MAP2: variants seen among roughly 807,000 people sequenced by gnomAD.
MAP2 encodes the protein microtubule-associated protein 2.
Under a neutral mutation model 137.6 loss-of-function variants are expected in MAP2, and 14 were observed. That is an observed-to-expected ratio of 0.10 (90% CI 0.07 to 0.16). The LOEUF is 0.16. Ranked by LOEUF, MAP2 falls within the 10% of genes least tolerant of loss-of-function variation. The pLI, the probability that MAP2 is intolerant of heterozygous loss-of-function variation, is 1.00. For synonymous variants in MAP2, 786 were observed against 782.3 expected, an observed-to-expected ratio of 1.00 and a Z score of -0.08; for missense variants, 2,088 against 2,191.5, an observed-to-expected ratio of 0.95 and a Z score of 0.94.
In MAP2 at chr2:209,695,510, G is replaced by A; in HGVS notation, c.3340G>A (p.Val1114Met). ...KVSETEVKEK[V>M]AKPDLVHQEA... is the part of the protein sequence containing the mutation. The stretch of plus-strand genomic sequence containing the variant: ...TAGTGAGACAGAAGTCAAAGAGAAG[G>A]TGGCCAAGCCTGACTTGGTGCACCA... Residue 1114 changes from valine to methionine, a missense_variant, in exon 8 of 16, where the codon GTG becomes ATG. Physicochemically the swap from Val to Met is conservative, Grantham distance 21 (BLOSUM62 1). Coordinates refer to ENST00000682079, the MANE Select transcript of MAP2 (RefSeq NM_001375505.1). 6.2e-7 allele frequency: 1 copy of A among 1,614,120 alleles called. No individual in the cohort carries two copies. The highest frequency in any genetic ancestry group is 8.5e-7 in the Non-Finnish European group (1 of 1,180,014).
intron 2 of MAP2, among the ~76,000 whole-genome samples, chr2:209,550,734 T>A (rs1299167767): frequency 1.3e-5 from 2 of 152,120 alleles, no homozygotes; most frequent in Non-Finnish European, 2.9e-5. Flanking sequence ...GAAGTCCCAA[T>A]AATATAATGG....
intron 1 of MAP2, among the ~76,000 whole-genome samples, chr2:209,481,412 T>G (rs2149831504): frequency 6.6e-6 from 1 of 152,330 alleles, no homozygotes; most frequent in South Asian, 2.1e-4. Context: ...TGACAGTAAC[T>G]TCCTGTGGCT....
chr2:209,725,912 C>T, intron 14 of MAP2, 122 bp downstream of exon 14: 1 of 556,204 alleles, frequency 1.8e-6, no homozygotes, highest in African/African-American at 2.0e-5. Flanking sequence ...GGGTACTTCA[C>T]ATTTTTATTA....
chr2:209,495,376 G>A (rs1421907382), intron 1 of MAP2, among the ~76,000 whole-genome samples: 3 of 152,246 alleles, frequency 2.0e-5, no homozygotes, highest in East Asian at 1.9e-4. Context: ...CCTGACCCCC[G>A]TGCCTCATAA....
At chr2:209,658,953 T>A (rs1050996965) in intron 5 of MAP2, among the ~76,000 whole-genome samples, 1 of 152,224 alleles carries the variant, frequency 6.6e-6, no homozygotes, top group Non-Finnish European at 1.5e-5. Context: ...CACCGTCATA[T>A]CTTTTATCTC....
chr2:209,658,147 C>A (rs1246800528), intron 5 of MAP2, among the ~76,000 whole-genome samples: 3 of 151,892 alleles, frequency 2.0e-5, no homozygotes, highest in Non-Finnish European at 4.4e-5. Flanking sequence ...TATAAAAGGG[C>A]AAAAGGGATT....
intron 4 of MAP2, among the ~76,000 whole-genome samples, chr2:209,631,005 C>CAAAAAAAAAAAA: frequency 0.021 from 886 of 42,140 alleles, 389 homozygotes; most frequent in Non-Finnish European, 0.033. Flanking sequence ...GAGCTACAAG[C>CAAAAAAAAAAAA]AAAAAAAAAA....
chr2:209,671,238 C>T (rs765814641), intron 5 of MAP2, among the ~76,000 whole-genome samples: 3 of 151,810 alleles, frequency 2.0e-5, no homozygotes, highest in Non-Finnish European at 4.4e-5. Flanking sequence ...CAATGCTGGC[C>T]TCTAAATAAT....
intron 3 of MAP2, among the ~76,000 whole-genome samples, chr2:209,612,065 C>T (rs1167955641): frequency 6.6e-6 from 1 of 152,048 alleles, no homozygotes; most frequent in Non-Finnish European, 1.5e-5. Context: ...AGCATTTTAC[C>T]CAAGAGAGAT....
Position 209,609,907 on chromosome 2 carries a change from A to T in MAP2, c.-106-15146A>T, listed in dbSNP as rs541359198. Among the ~76,000 whole-genome samples, 92 of 152,278 alleles carry T rather than the reference A, an allele frequency of 6.0e-4. No homozygotes were observed. The Middle Eastern group carries it at 0.017, about 28-fold the overall frequency. Reference sequence around the variant, plus strand: ...GTTGGTACAACACATACATTCATGTACTTTTCTACTCATTCTTTCATATGC... The same window carrying T: ...GTTGGTACAACACATACATTCATGTTCTTTTCTACTCATTCTTTCATATGC... On this transcript the variant is annotated intron_variant, in intron 3 of 15. Transcript: ENST00000682079.
At chr2:209,651,568 A>T (rs2094800275) in intron 4 of MAP2, among the ~76,000 whole-genome samples, 2 of 152,212 alleles carry the variant, frequency 1.3e-5, no homozygotes, top group South Asian at 4.1e-4. Context: ...CATTTAATAG[A>T]TGAGAAAACT....
intron 4 of MAP2, among the ~76,000 whole-genome samples, chr2:209,635,990 C>T (rs1263833601): frequency 2.0e-5 from 3 of 152,130 alleles, no homozygotes; most frequent in Admixed American, 6.6e-5. Flanking sequence ...TTCTGAGTAT[C>T]TCTGTCAAAT....
intron 3 of MAP2, among the ~76,000 whole-genome samples, chr2:209,597,630 C>A (rs989863688): frequency 6.6e-6 from 1 of 152,228 alleles, no homozygotes; most frequent in Non-Finnish European, 1.5e-5. Flanking sequence ...ATAGCATTCA[C>A]CCTAAAGTGC....
chr2:209,653,078 G>A, intron 4 of MAP2, 64 bp from the exon 5 acceptor site: 1 of 1,327,758 alleles, frequency 7.5e-7, no homozygotes, highest in African/African-American at 1.5e-5. Flanking sequence ...TTCCTATCTT[G>A]GTACAACCAA....
At chr2:209,578,093 T>G (rs1203281886) in intron 2 of MAP2, among the ~76,000 whole-genome samples, 2 of 152,148 alleles carry the variant, frequency 1.3e-5, no homozygotes, top group Non-Finnish European at 2.9e-5. Context: ...AGTCACTTGG[T>G]GAGAGAAGAA....
Position 209,450,244 on chromosome 2 carries a change from C to T in MAP2, c.-222+25968C>T, listed in dbSNP as rs115339210. On this transcript the variant is annotated intron_variant, in intron 1 of 15. Coordinates refer to ENST00000682079, the MANE Select transcript of MAP2 (RefSeq NM_001375505.1). ...GGTGTGAGCCACCGTGCACAGCCAA[C>T]TTACCTTTTTTTAACAGATTATTAA... 3.7e-3 allele frequency among the ~76,000 whole-genome samples: 559 copies of T among 152,176 alleles called. 4 individuals carry two copies. Among genetic ancestry groups the T allele is most frequent in the African/African-American group, 0.013 (545 of 41,536 alleles).
At chr2:209,546,258 A>G (rs2068047237) in intron 2 of MAP2, among the ~76,000 whole-genome samples, 1 of 152,254 alleles carries the variant, frequency 6.6e-6, no homozygotes, top group Admixed American at 6.5e-5. Context: ...ATATATAAGT[A>G]TGTATATCTC....
intron 2 of MAP2, among the ~76,000 whole-genome samples, chr2:209,573,027 T>C (rs189513700): frequency 7.9e-4 from 120 of 152,300 alleles, no homozygotes; most frequent in Middle Eastern, 3.4e-3. Context: ...AGATCTGCAA[T>C]TGAATTTGTT....
At chr2:209,658,588 T>C (rs967348572) in intron 5 of MAP2, among the ~76,000 whole-genome samples, 1 of 151,932 alleles carries the variant, frequency 6.6e-6, no homozygotes, top group African/African-American at 2.4e-5. Context: ...CTCATTGCAA[T>C]GTCTGCCTCC....
Sources: allele counts gnomAD v4.1 joint callset (sites outside exome capture counted in the v4.1 genomes callset), GRCh38; gene constraint gnomAD v4.1.1; transcripts MANE v1.5; gene names NCBI Gene and HGNC (gene_info 2026-07-23, HGNC 2026-07-21).